Variants in GUCY2C observed in about 807,000 individuals in gnomAD.
GUCY2C encodes the protein guanylate cyclase 2C.
In GUCY2C, 118 loss-of-function variants were observed where a neutral mutation model predicts 131.1. The observed-to-expected ratio is 0.90, with a 90% confidence interval of 0.78 to 1.05. The LOEUF (loss-of-function observed/expected upper bound fraction) is 1.05. GUCY2C is among the 50% of genes least tolerant of loss of function. The pLI is 0.00. For synonymous variants in GUCY2C, 452 were observed against 457.8 expected (o/e 0.99, Z 0.16); for missense variants, 1,161 against 1,304.4 (o/e 0.89, Z 1.69).
At position 14,652,163 on chromosome 12, in the gene GUCY2C, ATATTTATT is replaced by A. The variant is rs139251359; in HGVS notation, c.1534-141_1534-134del. The A allele has an allele frequency of 5.3e-5, 11 of 206,274 alleles. 1 individual carries two copies. The highest frequency in any genetic ancestry group is 1.1e-4 in the East Asian group (1 of 8,792). 12.8% of individuals were successfully genotyped at this position (206,274 alleles called of 1,614,324 possible). ...AGTGACAGTATTTGATTGATTTTTT[ATATTTATT>A]TATTTATTTATTTATTTTTTAAAGA... On this transcript the variant is annotated intron_variant, in intron 13 of 26. Transcript: ENST00000261170.
chr12:14,656,664 G>C (rs1323441693), intron 11 of GUCY2C, 47 bp from the exon 12 acceptor site: 1 of 926,214 alleles, frequency 1.1e-6, no homozygotes, highest in Non-Finnish European at 1.8e-6. Context: ...TAATATCCAT[G>C]TCATTCAGCT....
At chr12:14,645,179 T>C in intron 16 of GUCY2C, 50 bp downstream of exon 16, 2 of 970,456 alleles carry the variant, frequency 2.1e-6, no homozygotes, top group Non-Finnish European at 3.3e-6. Context: ...TTGTTAGATC[T>C]GTTTTCTTAT....
intron 23 of GUCY2C, chr12:14,619,518 T>C (rs1168869484): frequency 4.0e-6 from 2 of 497,220 alleles, no homozygotes; most frequent in East Asian, 3.1e-5. Context: ...CATAAAGTAT[T>C]TTGCTCTCGC....
Position 14,619,161 on chromosome 12 carries a change from G to A in GUCY2C, c.2875+50C>T, listed in dbSNP as rs377499123. On this transcript the variant is annotated intron_variant, in intron 24 of 26. Coordinates refer to ENST00000261170, the MANE Select transcript of GUCY2C (RefSeq NM_004963.4). ...GCATTTTATCTCACAGTTGCCCTCTGCTGGAAAACAGCATCTTTGTCCTCT... is the reference window on the plus strand; with the variant it reads ...GCATTTTATCTCACAGTTGCCCTCTACTGGAAAACAGCATCTTTGTCCTCT... The A allele has an allele frequency of 4.6e-5, 50 of 1,079,384 alleles. No homozygotes were observed. The African/African-American group carries it at 7.6e-4, about 16-fold the overall frequency. 66.9% of individuals were successfully genotyped at this position (1,079,384 alleles called of 1,614,324 possible).
At chr12:14,620,473 T>A (rs1189065576) in intron 23 of GUCY2C, among the ~76,000 whole-genome samples, 3 of 152,208 alleles carry the variant, frequency 2.0e-5, no homozygotes, top group Non-Finnish European at 4.4e-5. Context: ...TGAAAATTAT[T>A]CTTTGCTCAA....
intron 11 of GUCY2C, 23 bp from the exon 12 acceptor site, chr12:14,656,640 C>T: frequency 8.5e-7 from 1 of 1,170,492 alleles, no homozygotes; most frequent in Non-Finnish European, 1.3e-6. Flanking sequence ...TAAAACTGGT[C>T]AATAGGTTTT....
intron 21 of GUCY2C, among the ~76,000 whole-genome samples, 162 bp from the exon 22 acceptor site, chr12:14,622,359 A>G (rs1946914803): frequency 6.6e-6 from 1 of 152,250 alleles, no homozygotes; most frequent in African/African-American, 2.4e-5. Flanking sequence ...TATCATATAC[A>G]TGAACATATT....
At chr12:14,641,392 T>G (rs1162730865) in intron 17 of GUCY2C, among the ~76,000 whole-genome samples, 173 bp from the exon 18 acceptor site, 1 of 152,200 alleles carries the variant, frequency 6.6e-6, no homozygotes, top group African/African-American at 2.4e-5. Flanking sequence ...TTGCTAATCC[T>G]GGTGATCAAA....
intron 11 of GUCY2C, among the ~76,000 whole-genome samples, chr12:14,657,514 C>T (rs1030453767): frequency 1.3e-5 from 2 of 152,062 alleles, no homozygotes; most frequent in African/African-American, 4.8e-5. Context: ...ACCCCTGGGC[C>T]ATGGACTGGT....
chr12:14,625,282 A>G (rs1946986134), intron 21 of GUCY2C, among the ~76,000 whole-genome samples: 1 of 151,364 alleles, frequency 6.6e-6, no homozygotes, highest in Non-Finnish European at 1.5e-5. Context: ...TCAGAACATT[A>G]CTTAGTAGAG....
chr12:14,671,294 T>C (rs764489443), intron 9 of GUCY2C, among the ~76,000 whole-genome samples: 12 of 152,062 alleles, frequency 7.9e-5, no homozygotes, highest in Non-Finnish European at 1.6e-4. Context: ...TGCACCACCA[T>C]GCCCGGCTAA....
chr12:14,636,725 G>C (rs111240181), intron 19 of GUCY2C, among the ~76,000 whole-genome samples: 1 of 152,060 alleles, frequency 6.6e-6, no homozygotes, highest in Non-Finnish European at 1.5e-5. Flanking sequence ...ATGATCTTAC[G>C]TCTAGAAAAC....
Position 14,687,945 on chromosome 12 carries a change from A to G in GUCY2C, c.330+6T>C. The G allele has an allele frequency of 1.3e-6, 2 of 1,535,494 alleles. No homozygotes were observed. The highest frequency in any genetic ancestry group is 1.1e-5 in the South Asian group (1 of 89,526). ...ATGAGCTGCATCCACAAAAGCAAAT[A>G]CTTACTGAAATTTTCCTGAGTAGGT... is the stretch of plus-strand genomic sequence containing the variant. On this transcript the variant is annotated splice_donor_region_variant and intron_variant, in intron 2 of 26. Coordinates refer to ENST00000261170, the MANE Select transcript of GUCY2C (RefSeq NM_004963.4).
At position 14,696,147 on chromosome 12, in the gene GUCY2C, AAAG is replaced by A. The variant is rs368411824; in HGVS notation, c.217+82_217+84del. 7.4e-4 allele frequency: 789 copies of A among 1,062,736 alleles called. 4 individuals are homozygous for A. In the African/African-American group the frequency reaches 0.011, roughly 14 times the overall value. The allele number at this position is 1,062,736 out of a possible 1,614,324, so 65.8% of individuals were successfully genotyped here. A position where few individuals can be genotyped will look rare whatever the true frequency, so the allele number is the denominator to read the frequency against. On this transcript the variant is annotated intron_variant, in intron 1 of 26. Transcript: ENST00000261170. ...AGTCCTTAGAGAAAGTTGTGTGATCAAAGAACACAAGGTCTTTGCTTAGCAACA... is the reference window on the plus strand; with the variant it reads ...AGTCCTTAGAGAAAGTTGTGTGATCAAACACAAGGTCTTTGCTTAGCAACA...
Position 14,643,582 on chromosome 12 carries a change from G to C in GUCY2C, c.1922C>G (p.Pro641Arg). ...TTTCATTCATTACAGACCCTTTTTT[G>C]GAGGTAAAATGGAATTGCAGCCAAA... The part of the protein sequence containing the change: ...TDFGCNSILP[P>R]KKDLWTAPEH... Residue 641 changes from proline (P) to arginine (R), a missense_variant, in exon 17 of 27, where the codon CCA becomes CGA. By Grantham distance (103) the Pro-to-Arg change is moderately radical. Coordinates refer to ENST00000261170, the MANE Select transcript of GUCY2C (RefSeq NM_004963.4). 1 of 1,608,900 alleles carries C rather than the reference G, an allele frequency of 6.2e-7. No individual in the cohort carries two copies. Among genetic ancestry groups the C allele is most frequent in the South Asian group, 1.1e-5 (1 of 90,556 alleles).
chr12:14,667,999 CTTT>C lies in GUCY2C; in HGVS notation c.1282+1720_1282+1722del, dbSNP rs11355096. On this transcript the variant is annotated intron_variant, in intron 10 of 26. Transcript: ENST00000261170. ...CCATTTGTGAATATATAATAATTTTCTTTTTTTTTTTTTTTTTTTTTTGAGGCA... is the reference window on the plus strand; with the variant it reads ...CCATTTGTGAATATATAATAATTTTCTTTTTTTTTTTTTTTTTTTGAGGCA... 2.2e-3 allele frequency among the ~76,000 whole-genome samples: 168 copies of C among 76,514 alleles called. 1 individual carries two copies. The highest frequency in any genetic ancestry group is 0.01 in the South Asian group (22 of 2,100). 50.2% of individuals were successfully genotyped at this position (76,514 alleles called of 152,430 possible). A position where few individuals can be genotyped will look rare whatever the true frequency, so the allele number is the denominator to read the frequency against.
intron 8 of GUCY2C, among the ~76,000 whole-genome samples, chr12:14,673,816 A>G (rs1037462651): frequency 2.0e-5 from 3 of 152,184 alleles, no homozygotes; most frequent in East Asian, 1.9e-4. Context: ...CTTGGGACAC[A>G]TGGGATGACC....
chr12:14,631,026 CG>C (rs1947131385), intron 19 of GUCY2C, among the ~76,000 whole-genome samples: 1 of 151,976 alleles, frequency 6.6e-6, no homozygotes, highest in Non-Finnish European at 1.5e-5. Context: ...AGCTGTACTT[CG>C]GAAAGCTGTA....
chr12:14,669,694 G>GAGAGAAAAT (rs1948063118), intron 10 of GUCY2C, 28 bp downstream of exon 10: 3 of 1,087,156 alleles, frequency 2.8e-6, no homozygotes, highest in Non-Finnish European at 4.2e-6. Flanking sequence ...CAGTGTCAGG[G>GAGAGAAAAT]AGAGAAAATT....
Sources: allele counts gnomAD v4.1 joint callset (sites outside exome capture counted in the v4.1 genomes callset), GRCh38; gene constraint gnomAD v4.1.1; transcripts MANE v1.5; gene names NCBI Gene and HGNC (gene_info 2026-07-23, HGNC 2026-07-21).